ZNF267: variants seen among roughly 807,000 people sequenced by gnomAD.
ZNF267 encodes zinc finger (C2H2).
In ZNF267, 61 loss-of-function variants were observed where a neutral mutation model predicts 71.6. The ratio of observed to expected loss-of-function variants is 0.85; its 90% CI spans 0.69 to 1.05. ZNF267 has a LOEUF of 1.05. Ranked by LOEUF, ZNF267 falls within the 50% of genes least tolerant of loss-of-function variation. The pLI is 0.00. For synonymous variants in ZNF267, 288 were observed against 293.2 expected, an observed-to-expected ratio of 0.98 and a Z score of 0.18; for missense variants, 852 against 870.0, an observed-to-expected ratio of 0.98 and a Z score of 0.26.
Position 31,873,877 on chromosome 16 carries a change from C to A in ZNF267, c.-90C>A. Reference sequence around the variant, plus strand: ...TGGGAGGCCCAGGCGGCTTCGCGTTCTGAGAATAAACAGAACCTCTGTTGC... The same window carrying A: ...TGGGAGGCCCAGGCGGCTTCGCGTTATGAGAATAAACAGAACCTCTGTTGC... On this transcript the variant is annotated 5_prime_UTR_variant, in exon 1 of 4. It adds an upstream start codon to the 5' untranslated region. Coordinates refer to ENST00000300870, the MANE Select transcript of ZNF267 (RefSeq NM_003414.6). 6.3e-7 allele frequency: 1 copy of A among 1,585,816 alleles called. No individual in the cohort carries two copies. The highest frequency in any genetic ancestry group is 8.7e-7 in the Non-Finnish European group (1 of 1,154,640).
chr16:31,906,191 C>A (rs1209154734), intron 3 of ZNF267, among the ~76,000 whole-genome samples: 2 of 152,152 alleles, frequency 1.3e-5, no homozygotes, highest in South Asian at 2.1e-4. Context: ...TCAGTCAGCT[C>A]CTACTGGGGG....
intron 1 of ZNF267, among the ~76,000 whole-genome samples, chr16:31,879,998 C>T (rs1008343340): frequency 1.3e-5 from 2 of 152,164 alleles, no homozygotes; most frequent in Admixed American, 1.3e-4. Flanking sequence ...TGAGAGCAGC[C>T]TTCCTGAAGG....
rs1456805446 is a variant in ZNF267, at chr16:31,917,071, ATAT to A, written c.*595_*597del. The A allele has an allele frequency of 1.3e-5, 2 of 152,354 alleles. No homozygotes were observed. Among genetic ancestry groups the A allele is most frequent in the Non-Finnish European group, 2.9e-5 (2 of 68,158 alleles). 9.4% of individuals were successfully genotyped at this position (152,354 alleles called of 1,614,324 possible). A position where few individuals can be genotyped will look rare whatever the true frequency, so the allele number is the denominator to read the frequency against. ...AGTATTTGAGGTTTTTGGAAAGCAA[ATAT>A]TATTTATATAATTCAGCTTTCAAAT... On this transcript the variant is annotated 3_prime_UTR_variant, in exon 4 of 4. Transcript: ENST00000300870.
At chr16:31,878,509 C>T (rs1044242145) in intron 1 of ZNF267, among the ~76,000 whole-genome samples, 1 of 152,216 alleles carries the variant, frequency 6.6e-6, no homozygotes, top group Non-Finnish European at 1.5e-5. Flanking sequence ...ACACAAGTGC[C>T]TGAGGACTCC....
At chr16:31,885,326 A>C in intron 3 of ZNF267, 70 bp downstream of exon 3, 1 of 1,367,022 alleles carries the variant, frequency 7.3e-7, no homozygotes, top group South Asian at 1.5e-5. Flanking sequence ...CCAGACCTTG[A>C]AGTGTGGATT....
At chr16:31,875,961 T>C (rs2083849465) in intron 1 of ZNF267, among the ~76,000 whole-genome samples, 1 of 152,148 alleles carries the variant, frequency 6.6e-6, no homozygotes, top group Non-Finnish European at 1.5e-5. Context: ...GTTTCTCAGG[T>C]TTGTTCTTTT....
chr16:31,894,006 A>G (rs1286566391), intron 3 of ZNF267, among the ~76,000 whole-genome samples: 1 of 152,228 alleles, frequency 6.6e-6, no homozygotes, highest in Non-Finnish European at 1.5e-5. Context: ...GGTTATAGCT[A>G]AGTCTACAGT....
At chr16:31,900,543 C>T (rs1481041022) in intron 3 of ZNF267, among the ~76,000 whole-genome samples, 5 of 152,094 alleles carry the variant, frequency 3.3e-5, no homozygotes, top group African/African-American at 9.7e-5. Flanking sequence ...CTCCTGGGTT[C>T]ACGCCATTCT....
intron 1 of ZNF267, among the ~76,000 whole-genome samples, chr16:31,882,020 GTC>G (rs1311495372): frequency 6.6e-6 from 1 of 152,068 alleles, no homozygotes; most frequent in Non-Finnish European, 1.5e-5. Flanking sequence ...CCTCCCATCT[GTC>G]TATAGTTAGC....
intron 1 of ZNF267, among the ~76,000 whole-genome samples, chr16:31,883,775 A>G (rs901636830): frequency 2.0e-5 from 3 of 152,244 alleles, no homozygotes; most frequent in African/African-American, 7.2e-5. Flanking sequence ...TAAAACTCTC[A>G]GTTTCACATC....
Position 31,915,161 on chromosome 16 carries a change from TAGTC to T in ZNF267, c.918_921del (p.Gln306HisfsTer8), listed in dbSNP as rs572028948. 246 of 1,612,858 alleles carry T rather than the reference TAGTC, an allele frequency of 1.5e-4. No homozygotes were observed. The highest frequency in any genetic ancestry group is 4.9e-4 in the Middle Eastern group (3 of 6,072). On this transcript the variant is annotated frameshift_variant, in exon 4 of 4. Transcript: ENST00000300870. LOFTEE classifies it high-confidence loss of function. Reference sequence around the variant, plus strand: ...GCTATAACAAATATGATAAAGATCTTAGTCAGTCATCAAATCTTAGAAAGCAGAT... The same window carrying T: ...GCTATAACAAATATGATAAAGATCTTAGTCATCAAATCTTAGAAAGCAGAT...
At chr16:31,902,715 A>ATATC (rs1343553535) in intron 3 of ZNF267, among the ~76,000 whole-genome samples, 4 of 152,164 alleles carry the variant, frequency 2.6e-5, no homozygotes, top group Non-Finnish European at 5.9e-5. Flanking sequence ...GGTTTTCTAG[A>ATATC]TATACAGTCA....
Position 31,885,181 on chromosome 16 carries a change from G to T in ZNF267, c.151G>T (p.Asp51Tyr). The change falls in exon 3 of 4, where the codon GAC becomes TAC. Residue 51 changes from aspartate to tyrosine, a missense_variant. Asp to Tyr is a radical substitution (Grantham distance 160). Coordinates refer to ENST00000300870, the MANE Select transcript of ZNF267 (RefSeq NM_003414.6). ...AACAGGTCTTGTTGTCTCTAAGCCG[G>T]ACCTGATCACCTTTTTGGAACAAAG... ...VSLGLVVSKP[D>Y]LITFLEQRKE... The T allele has an allele frequency of 6.2e-7, 1 of 1,611,294 alleles. No homozygotes were observed. Among genetic ancestry groups the T allele is most frequent in the South Asian group, 1.1e-5 (1 of 90,888 alleles).
chr16:31,907,804 A>G (rs1462329408), intron 3 of ZNF267, among the ~76,000 whole-genome samples: 1 of 151,896 alleles, frequency 6.6e-6, no homozygotes, highest in African/African-American at 2.4e-5. Flanking sequence ...TGGGAGGCCG[A>G]GGCGGGTGGA....
At chr16:31,907,838 C>T (rs1017447256) in intron 3 of ZNF267, among the ~76,000 whole-genome samples, 6 of 151,658 alleles carry the variant, frequency 4.0e-5, no homozygotes, top group East Asian at 3.9e-4. Context: ...AGATTGAGAC[C>T]GTCCTGGCTA....
rs2142365507 is a variant in ZNF267 at position 31,915,862 on chromosome 16, A to G, written c.1613A>G (p.His538Arg). 1.2e-6 allele frequency: 2 copies of G among 1,613,826 alleles called. No individual in the cohort carries two copies. Among genetic ancestry groups the G allele is most frequent in the Non-Finnish European group, 1.7e-6 (2 of 1,180,018 alleles). ...PFTCFSNLIV[H>R]ERIHTGEKPY... ...ACTTGTTTCTCAAATCTTATTGTGC[A>G]TGAGAGAATTCATACTGGAGAGAAA... Residue 538 changes from histidine (H) to arginine (R), a missense_variant, in exon 4 of 4, where the codon CAT becomes CGT. Physicochemically the swap from His to Arg is conservative, Grantham distance 29. Transcript: ENST00000300870.
intron 3 of ZNF267, among the ~76,000 whole-genome samples, chr16:31,903,316 A>G (rs2084058189): frequency 1.3e-5 from 2 of 152,084 alleles, no homozygotes; most frequent in Non-Finnish European, 2.9e-5. Context: ...TGAGTTAGGG[A>G]GGGATTCCCT....
At chr16:31,897,600 A>G (rs972009031) in intron 3 of ZNF267, among the ~76,000 whole-genome samples, 1 of 152,016 alleles carries the variant, frequency 6.6e-6, no homozygotes. Context: ...AATTCCATAG[A>G]TATTTTAGAA....
At chr16:31,906,611 G>A (rs2084092765) in intron 3 of ZNF267, among the ~76,000 whole-genome samples, 1 of 152,092 alleles carries the variant, frequency 6.6e-6, no homozygotes, top group Non-Finnish European at 1.5e-5. Flanking sequence ...TGTGCCGTTT[G>A]TTAAGCCTAT....
Sources: gnomAD v4.1 joint callset for allele counts (sites outside exome capture counted in the v4.1 genomes callset) on GRCh38, gnomAD v4.1.1 for gene constraint, MANE v1.5 for transcripts, NCBI Gene and HGNC (gene_info 2026-07-23, HGNC 2026-07-21) for gene names.